CUL4A: variants seen among roughly 807,000 people sequenced by gnomAD.
CUL4A encodes cullin 4A.
A neutral mutation model predicts 95.5 loss-of-function variants in CUL4A; 16 were observed. The ratio of observed to expected loss-of-function variants is 0.17; its 90% CI spans 0.11 to 0.25. CUL4A has a LOEUF of 0.25. CUL4A is among the 10% of genes least tolerant of loss of function. The pLI, the probability that CUL4A is intolerant of heterozygous loss-of-function variation, is 1.00. For synonymous variants in CUL4A, 380 were observed against 353.1 expected, an observed-to-expected ratio of 1.08 and a Z score of -0.85; for missense variants, 610 against 937.0, an observed-to-expected ratio of 0.65 and a Z score of 4.56.
In CUL4A at chr13:113,253,207, G is replaced by GT. The variant is rs756163871; in HGVS notation, c.1752+15dup. 4.3e-6 allele frequency: 6 copies of GT among 1,396,768 alleles called. No homozygotes were observed. The East Asian group carries it at 1.4e-4, about 33-fold the overall frequency. The allele number at this position is 1,396,768 out of a possible 1,614,324, so 86.5% of individuals were successfully genotyped here. ...CGGAGTTTAAAGAAGTAAGTTGTCT[G>GT]TTTCATTTATTTTTTATTATTTGTA... On this transcript the variant is annotated intron_variant, in intron 16 of 19. Transcript: ENST00000375440.
chr13:113,260,147 T>G (rs377684360), intron 18 of CUL4A, among the ~76,000 whole-genome samples: 16 of 126,800 alleles, frequency 1.3e-4, no homozygotes, highest in African/African-American at 4.5e-4. Context: ...GAGCTTGTAG[T>G]GAGCCGAGAT....
chr13:113,234,636 C>T (rs554948861), intron 7 of CUL4A, among the ~76,000 whole-genome samples: 7 of 152,172 alleles, frequency 4.6e-5, no homozygotes, highest in Non-Finnish European at 7.4e-5. Flanking sequence ...CTCCTGCAAC[C>T]GTGTTGTTTG....
At position 113,266,586 on chromosome 13, in the gene CUL4A, G is replaced by C. The variant is rs1007419074; in HGVS notation, c.*3004G>C. ...TAAATTCTGCTGTTTTTAGAACATT[G>C]TAATTGAAACAGCATGATGCTGGCC... On this transcript the variant is annotated 3_prime_UTR_variant, in exon 20 of 20. Transcript: ENST00000375440. 1 of 152,188 alleles carries C rather than the reference G, an allele frequency of 6.6e-6. No individual in the cohort carries two copies. The highest frequency in any genetic ancestry group is 1.5e-5 in the Non-Finnish European group (1 of 68,032). The allele number at this position is 152,188 out of a possible 1,614,324, so 9.4% of individuals were successfully genotyped here.
At chr13:113,229,280 C>A (rs1275264356) in intron 4 of CUL4A, among the ~76,000 whole-genome samples, 166 bp from the exon 5 acceptor site, 1 of 151,784 alleles carries the variant, frequency 6.6e-6, no homozygotes, top group East Asian at 1.9e-4. Flanking sequence ...AATCACATAC[C>A]AAGGGGACAA....
chr13:113,211,476 G>T (rs938809006), intron 2 of CUL4A, among the ~76,000 whole-genome samples: 1 of 152,096 alleles, frequency 6.6e-6, no homozygotes, highest in Non-Finnish European at 1.5e-5. Context: ...CCTCCACCTC[G>T]CAGGTTCAAG....
At position 113,247,190 on chromosome 13, in the gene CUL4A, C is replaced by T. The variant is rs147699828; in HGVS notation, c.1638+1127C>T. 9.4e-3 allele frequency among the ~76,000 whole-genome samples: 1,433 copies of T among 152,240 alleles called. 17 individuals carry two copies. The highest frequency in any genetic ancestry group is 0.031 in the African/African-American group (1,294 of 41,524). ...GGCGCCAGGCCATTCATGAGGGATC[C>T]ACCCCCATGACCCAAACACCTCCCA... On this transcript the variant is annotated intron_variant, in intron 15 of 19. Coordinates refer to ENST00000375440, the MANE Select transcript of CUL4A (RefSeq NM_001008895.4).
In CUL4A at chr13:113,264,297, G is replaced by C. The variant is rs2042360999; in HGVS notation, c.*715G>C. The stretch of plus-strand genomic sequence containing the variant: ...TTTAGGGTTTGGGGCTAGTGTGTTT[G>C]TGTTTCCATTCTAAGATTGAGTCTG... On this transcript the variant is annotated 3_prime_UTR_variant, in exon 20 of 20. Transcript: ENST00000375440. 1 of 152,138 alleles carries C rather than the reference G, an allele frequency of 6.6e-6. No homozygotes were observed. Among genetic ancestry groups the C allele is most frequent in the Middle Eastern group, 3.2e-3 (1 of 316 alleles). The allele number at this position is 152,138 out of a possible 1,614,324, so 9.4% of individuals were successfully genotyped here.
intron 19 of CUL4A, among the ~76,000 whole-genome samples, 173 bp downstream of exon 19, chr13:113,260,932 C>G (rs2042259374): frequency 6.6e-6 from 1 of 152,188 alleles, no homozygotes; most frequent in Admixed American, 6.5e-5. Context: ...AGGTGTTGCT[C>G]ATTGCCACTG....
chr13:113,223,644 G>T (rs920434948), intron 3 of CUL4A, among the ~76,000 whole-genome samples: 1 of 152,218 alleles, frequency 6.6e-6, no homozygotes, highest in Non-Finnish European at 1.5e-5. Context: ...TTATCTGCCT[G>T]CTTCGACCTC....
chr13:113,210,124 GC>G, intron 2 of CUL4A, 36 bp downstream of exon 2: 2 of 1,382,526 alleles, frequency 1.4e-6, no homozygotes, highest in South Asian at 1.4e-5. Context: ...CGCCGCTCCT[GC>G]CCCGCGTGAC....
chr13:113,221,231 G>A (rs1475717668), intron 3 of CUL4A, among the ~76,000 whole-genome samples: 1 of 152,202 alleles, frequency 6.6e-6, no homozygotes, highest in Non-Finnish European at 1.5e-5. Context: ...TTGAATCTTT[G>A]TGGATACTAC....
Position 113,227,846 on chromosome 13 carries a change from A to G in CUL4A, c.369-130A>G, listed in dbSNP as rs547044660. On this transcript the variant is annotated intron_variant, in intron 3 of 19. Transcript: ENST00000375440. Reference sequence around the variant, plus strand: ...CTTGAACCTGGGAGGCAGAGGCTGCACTGCTGAGCTAAGATCGTGCCACTG... The same window carrying G: ...CTTGAACCTGGGAGGCAGAGGCTGCGCTGCTGAGCTAAGATCGTGCCACTG... The G allele has an allele frequency of 2.3e-5, 12 of 523,740 alleles. No individual in the cohort carries two copies. The South Asian group carries it at 2.5e-4, about 11-fold the overall frequency. The allele number at this position is 523,740 out of a possible 1,614,324, so 32.4% of individuals were successfully genotyped here.
chr13:113,247,141 G>A (rs1347869582), intron 15 of CUL4A, among the ~76,000 whole-genome samples: 2 of 152,206 alleles, frequency 1.3e-5, no homozygotes, highest in African/African-American at 2.4e-5. Context: ...ATCAGATCTC[G>A]TGGTAACTCA....
chr13:113,245,588 GC>G (rs2041835439), intron 14 of CUL4A, among the ~76,000 whole-genome samples: 2 of 152,178 alleles, frequency 1.3e-5, no homozygotes, highest in African/African-American at 2.4e-5. Context: ...GACAGAGATA[GC>G]AGTACCTTGT....
chr13:113,264,768 A>G lies in CUL4A; in HGVS notation c.*1186A>G, dbSNP rs936454544. ...ATTTTCTGGAATATACCAAGTTTAT[A>G]TAATTTGATTTTGTGCTAAATTATT... On this transcript the variant is annotated 3_prime_UTR_variant, in exon 20 of 20. Transcript: ENST00000375440. The G allele has an allele frequency of 3.9e-5, 6 of 152,694 alleles. No individual in the cohort carries two copies. Among genetic ancestry groups the G allele is most frequent in the African/African-American group, 7.2e-5 (3 of 41,472 alleles). 9.5% of individuals were successfully genotyped at this position (152,694 alleles called of 1,614,324 possible).
At chr13:113,246,171 C>A in intron 15 of CUL4A, 108 bp downstream of exon 15, 1 of 783,284 alleles carries the variant, frequency 1.3e-6, no homozygotes, top group Non-Finnish European at 2.1e-6. Context: ...AAATAGCCCA[C>A]TCAGTCCAAA....
At chr13:113,211,915 C>T (rs1009622546) in intron 2 of CUL4A, among the ~76,000 whole-genome samples, 2 of 152,160 alleles carry the variant, frequency 1.3e-5, no homozygotes, top group Non-Finnish European at 2.9e-5. Flanking sequence ...TCCACTCCGC[C>T]ACCAGCGTGT....
At chr13:113,217,417 A>T (rs1005612203) in intron 2 of CUL4A, among the ~76,000 whole-genome samples, 1 of 152,224 alleles carries the variant, frequency 6.6e-6, no homozygotes, top group African/African-American at 2.4e-5. Context: ...GTAGGGGGAA[A>T]GTTTGTATTT....
chr13:113,237,866 T>C (rs1188081940), intron 9 of CUL4A, among the ~76,000 whole-genome samples: 2 of 152,208 alleles, frequency 1.3e-5, no homozygotes, highest in African/African-American at 4.8e-5. Context: ...TTAACATGAT[T>C]GAGCATCTCC....
Sources: allele counts gnomAD v4.1 joint callset (sites outside exome capture counted in the v4.1 genomes callset), GRCh38; gene constraint gnomAD v4.1.1; transcripts MANE v1.5; gene names NCBI Gene and HGNC (gene_info 2026-07-23, HGNC 2026-07-21).